CSMD1: variants seen among roughly 807,000 people sequenced by gnomAD.
The protein encoded by CSMD1 is CUB and sushi domain-containing protein 1.
In CSMD1, 213 loss-of-function variants were observed where a neutral mutation model predicts 417.5. The observed-to-expected ratio is 0.51, with a 90% confidence interval of 0.46 to 0.57. The LOEUF is 0.57. CSMD1 is among the 20% of genes least tolerant of loss of function. The pLI, the probability that CSMD1 is intolerant of heterozygous loss-of-function variation, is 0.00. For synonymous variants in CSMD1, 2,862 were observed against 1,736.8 expected, an observed-to-expected ratio of 1.65 and a Z score of -16.11; for missense variants, 6,923 against 4,529.7, an observed-to-expected ratio of 1.53 and a Z score of -15.17.
intron 6 of CSMD1, among the ~76,000 whole-genome samples, chr8:3,727,189 T>C (rs1802545865): frequency 6.6e-6 from 1 of 152,226 alleles, no homozygotes; most frequent in Admixed American, 6.5e-5. Context: ...AATGTGAATG[T>C]TTAATTTTAA....
At chr8:3,546,789 T>C (rs1798685471) in intron 10 of CSMD1, among the ~76,000 whole-genome samples, 1 of 152,206 alleles carries the variant, frequency 6.6e-6, no homozygotes. Flanking sequence ...TTGAACAGGA[T>C]TCTGCAGCTC....
At chr8:2,974,664 G>C in intron 55 of CSMD1, 40 bp from the exon 56 acceptor site, 4 of 1,460,084 alleles carry the variant, frequency 2.7e-6, no homozygotes, top group Non-Finnish European at 3.7e-6. Flanking sequence ...CATCCTTCCA[G>C]TTAAACCACT....
intron 5 of CSMD1, among the ~76,000 whole-genome samples, chr8:3,812,657 G>C (rs115327614): frequency 0.04 from 6,077 of 152,238 alleles, 198 homozygotes; most frequent in African/African-American, 0.099. Flanking sequence ...ACAGTAAAGA[G>C]GAATTAAGGA....
chr8:4,614,825 C>G (rs963203606), intron 2 of CSMD1, among the ~76,000 whole-genome samples: 2 of 151,978 alleles, frequency 1.3e-5, no homozygotes, highest in African/African-American at 2.4e-5. Flanking sequence ...GATAATCAGA[C>G]ATTATTTTTT....
At chr8:4,176,864 C>G (rs1001109425) in intron 3 of CSMD1, among the ~76,000 whole-genome samples, 14 of 148,276 alleles carry the variant, frequency 9.4e-5, no homozygotes, top group Middle Eastern at 3.5e-3. Flanking sequence ...GGGATCAATT[C>G]AACAAGAAGA....
chr8:3,879,902 C>T (rs1243801401), intron 5 of CSMD1, among the ~76,000 whole-genome samples: 1 of 151,930 alleles, frequency 6.6e-6, no homozygotes, highest in Non-Finnish European at 1.5e-5. Flanking sequence ...ACGTTTTTAT[C>T]CCCTATAACG....
At chr8:4,365,543 C>T (rs1408986053) in intron 3 of CSMD1, among the ~76,000 whole-genome samples, 3 of 152,182 alleles carry the variant, frequency 2.0e-5, no homozygotes, top group African/African-American at 7.2e-5. Flanking sequence ...ATATCAGAGA[C>T]AGTTACTTAT....
intron 2 of CSMD1, among the ~76,000 whole-genome samples, chr8:4,538,051 G>C (rs912413645): frequency 3.3e-5 from 5 of 152,036 alleles, no homozygotes; most frequent in South Asian, 4.1e-4. Context: ...GCTGTCAATT[G>C]CTTCATCTCT....
At chr8:3,910,247 T>C (rs1808377080) in intron 5 of CSMD1, among the ~76,000 whole-genome samples, 1 of 151,996 alleles carries the variant, frequency 6.6e-6, no homozygotes, top group Non-Finnish European at 1.5e-5. Context: ...GGGAGGAAAA[T>C]ATGTCAGAGG....
intron 5 of CSMD1, among the ~76,000 whole-genome samples, chr8:3,876,207 ACTC>A (rs1805805144): frequency 6.6e-6 from 1 of 151,558 alleles, no homozygotes; most frequent in Non-Finnish European, 1.5e-5. Flanking sequence ...GGAGGGGAAA[ACTC>A]CTCTCACCCC....
intron 5 of CSMD1, among the ~76,000 whole-genome samples, chr8:3,789,826 G>A (rs1422127960): frequency 6.6e-6 from 1 of 151,200 alleles, no homozygotes; most frequent in South Asian, 2.1e-4. Context: ...CGCCTCCCGG[G>A]GGTTGCACCA....
chr8:3,368,563 TCCTGACCTCAGGTGATACA>T (rs1809751243), intron 19 of CSMD1, among the ~76,000 whole-genome samples: 1 of 152,178 alleles, frequency 6.6e-6, no homozygotes, highest in Non-Finnish European at 1.5e-5. Context: ...GGTCTGGAAC[TCCTGACCTCAGGTGATACA>T]CCTGTCTTGG....
chr8:3,697,857 T>A (rs935574375), intron 7 of CSMD1, among the ~76,000 whole-genome samples: 1 of 152,172 alleles, frequency 6.6e-6, no homozygotes, highest in Admixed American at 6.5e-5. Context: ...TCATTCACTA[T>A]TTGAGGTAAA....
chr8:3,811,753 C>G (rs1250930519), intron 5 of CSMD1, among the ~76,000 whole-genome samples: 1 of 152,068 alleles, frequency 6.6e-6, no homozygotes, highest in Non-Finnish European at 1.5e-5. Flanking sequence ...AAGGGAACCT[C>G]CATGGACAAT....
intron 3 of CSMD1, among the ~76,000 whole-genome samples, chr8:4,278,243 G>C (rs547722405): frequency 3.9e-5 from 6 of 152,234 alleles, no homozygotes; most frequent in African/African-American, 1.2e-4. Context: ...GAAGTATAGT[G>C]ATTAAAATTC....
In CSMD1 at chr8:3,213,192, T is replaced by G. The variant is rs146702847; in HGVS notation, c.4867+1305A>C. Among the ~76,000 whole-genome samples the G allele has an allele frequency of 3.3e-3, 503 of 152,266 alleles. 3 individuals are homozygous for G. Among genetic ancestry groups the G allele is most frequent in the African/African-American group, 0.012 (480 of 41,564 alleles). ...TGCCAGTAGCATTGTTAGGCTGTCT[T>G]AAGAAAAACACATTTGTTTCATAAT... On this transcript the variant is annotated intron_variant, in intron 30 of 69. Transcript: ENST00000635120.
intron 7 of CSMD1, among the ~76,000 whole-genome samples, chr8:3,638,270 A>T (rs763006634): frequency 7.9e-5 from 12 of 152,134 alleles, no homozygotes; most frequent in African/African-American, 2.4e-4. Context: ...TAACATGTAC[A>T]CCATAAGCAA....
intron 5 of CSMD1, among the ~76,000 whole-genome samples, chr8:3,779,601 G>T (rs1243595421): frequency 6.6e-6 from 1 of 152,050 alleles, no homozygotes; most frequent in African/African-American, 2.4e-5. Context: ...GAATAACCGG[G>T]TATTTTAATA....
chr8:4,229,309 T>C (rs1795688892), intron 3 of CSMD1, among the ~76,000 whole-genome samples: 1 of 152,164 alleles, frequency 6.6e-6, no homozygotes, highest in Non-Finnish European at 1.5e-5. Context: ...GCCACCATTA[T>C]CTATCACCTG....
Sources: allele counts gnomAD v4.1 joint callset (sites outside exome capture counted in the v4.1 genomes callset), GRCh38; gene constraint gnomAD v4.1.1; transcripts MANE v1.5; gene names NCBI Gene and HGNC (gene_info 2026-07-23, HGNC 2026-07-21).